Variants in P3H2 observed in about 807,000 individuals in gnomAD.
P3H2 encodes prolyl 3-hydroxylase 2.
A neutral mutation model predicts 87.0 loss-of-function variants in P3H2; 80 were observed. The ratio of observed to expected loss-of-function variants is 0.92; its 90% CI spans 0.77 to 1.11. P3H2 has a LOEUF of 1.11. Among genes scored for constraint, P3H2 ranks in the 50% least tolerant of loss-of-function variants. The pLI is 0.00. For synonymous variants in P3H2, 367 were observed against 359.3 expected (o/e 1.02, Z -0.24); for missense variants, 1,001 against 923.9 (o/e 1.08, Z -1.08).
chr3:190,088,483 T>A (rs1727300001), intron 1 of P3H2, among the ~76,000 whole-genome samples: 1 of 152,182 alleles, frequency 6.6e-6, no homozygotes, highest in Non-Finnish European at 1.5e-5. Context: ...CACATAGATC[T>A]CTCTTGTATT....
At chr3:190,096,533 G>C (rs1258750784) in intron 1 of P3H2, among the ~76,000 whole-genome samples, 2 of 152,120 alleles carry the variant, frequency 1.3e-5, no homozygotes, top group African/African-American at 4.8e-5. Context: ...AAATGACCCA[G>C]TCTCAGGTAG....
intron 13 of P3H2, chr3:189,969,759 C>T: frequency 6.2e-7 from 1 of 1,601,894 alleles, no homozygotes; most frequent in Non-Finnish European, 8.6e-7. Flanking sequence ...AATGGAGTAT[C>T]CACATATTTT....
intron 1 of P3H2, among the ~76,000 whole-genome samples, chr3:190,049,571 A>G (rs977171935): frequency 2.0e-5 from 3 of 152,224 alleles, no homozygotes; most frequent in Admixed American, 1.3e-4. Context: ...TTCTTGAGGC[A>G]GTTGAGATTC....
At chr3:190,036,060 G>A (rs1725414252) in intron 1 of P3H2, among the ~76,000 whole-genome samples, 1 of 152,046 alleles carries the variant, frequency 6.6e-6, no homozygotes, top group African/African-American at 2.4e-5. Flanking sequence ...TGCACCATTT[G>A]GTTTCCCATT....
rs1347909445 is a variant in P3H2, at chr3:190,047,410, G to A, written c.481-51968C>T. Among the ~76,000 whole-genome samples the A allele has an allele frequency of 5.3e-5, 8 of 152,170 alleles. No homozygotes were observed. In the East Asian group the frequency reaches 1.5e-3, roughly 29 times the overall value. ...TATATCCAAGGGAAAGGAAACTAGT[G>A]TATTAAAGAGGTATCTGTACTCTCA... is the stretch of plus-strand genomic sequence containing the variant. On this transcript the variant is annotated intron_variant, in intron 1 of 14. Coordinates refer to ENST00000319332, the MANE Select transcript of P3H2 (RefSeq NM_018192.4).
intron 1 of P3H2, among the ~76,000 whole-genome samples, chr3:190,036,330 C>A (rs1159378621): frequency 6.6e-6 from 1 of 152,226 alleles, no homozygotes; most frequent in East Asian, 1.9e-4. Context: ...TACATATAGA[C>A]TTCATACATG....
intron 1 of P3H2, among the ~76,000 whole-genome samples, chr3:190,065,796 A>C (rs1046796614): frequency 5.3e-5 from 8 of 152,206 alleles, no homozygotes; most frequent in Admixed American, 4.6e-4. Flanking sequence ...CCAATAATCT[A>C]TAATTTATAA....
chr3:190,016,620 T>A (rs548171087), intron 1 of P3H2, among the ~76,000 whole-genome samples: 5 of 152,260 alleles, frequency 3.3e-5, no homozygotes, highest in Admixed American at 2.0e-4. Flanking sequence ...TTAGAAAAAA[T>A]AATAATAATA....
At chr3:190,104,261 A>G (rs889495386) in intron 1 of P3H2, among the ~76,000 whole-genome samples, 1 of 152,120 alleles carries the variant, frequency 6.6e-6, no homozygotes, top group Non-Finnish European at 1.5e-5. Flanking sequence ...TAGTGATAAT[A>G]TCTATCCTAC....
chr3:189,971,746 T>C (rs891461333), intron 12 of P3H2, 144 bp downstream of exon 12: 6 of 686,896 alleles, frequency 8.7e-6, no homozygotes, highest in Non-Finnish European at 1.6e-5. Context: ...TTATTGGTTA[T>C]GGCAGCTACT....
At chr3:190,025,886 G>C (rs1368880629) in intron 1 of P3H2, among the ~76,000 whole-genome samples, 9 of 152,022 alleles carry the variant, frequency 5.9e-5, no homozygotes, top group Non-Finnish European at 1.3e-4. Flanking sequence ...TTTTTGAAAA[G>C]CTAATTTTAG....
At chr3:190,074,014 A>G (rs1726788995) in intron 1 of P3H2, among the ~76,000 whole-genome samples, 1 of 152,140 alleles carries the variant, frequency 6.6e-6, no homozygotes, top group Non-Finnish European at 1.5e-5. Flanking sequence ...ATTAAGAAAT[A>G]CTCTCGTATC....
intron 1 of P3H2, among the ~76,000 whole-genome samples, chr3:190,076,145 T>C (rs536973945): frequency 1.1e-3 from 165 of 150,726 alleles, no homozygotes; most frequent in African/African-American, 3.9e-3. Context: ...TCCAGCCATA[T>C]TAAGATATGA....
At chr3:190,044,230 C>T (rs1245462530) in intron 1 of P3H2, among the ~76,000 whole-genome samples, 2 of 152,210 alleles carry the variant, frequency 1.3e-5, no homozygotes, top group Non-Finnish European at 2.9e-5. Context: ...GAGCACTTGT[C>T]AGGAGCACAC....
intron 13 of P3H2, among the ~76,000 whole-genome samples, chr3:189,964,867 G>A (rs1459975721): frequency 6.6e-6 from 1 of 152,204 alleles, no homozygotes; most frequent in East Asian, 1.9e-4. Context: ...AAGAAATACT[G>A]CTGGGCTCAC....
chr3:189,979,836 C>T (rs1230741016), intron 8 of P3H2, among the ~76,000 whole-genome samples: 1 of 151,664 alleles, frequency 6.6e-6, no homozygotes, highest in Non-Finnish European at 1.5e-5. Context: ...GGCATGGTGG[C>T]ATGCACCTGT....
chr3:189,988,805 T>C (rs1723786060), intron 4 of P3H2, 102 bp downstream of exon 4: 1 of 1,410,080 alleles, frequency 7.1e-7, no homozygotes, highest in African/African-American at 1.4e-5. Context: ...ATTGCTTTCA[T>C]AATAAACTGA....
intron 8 of P3H2, among the ~76,000 whole-genome samples, chr3:189,979,171 C>A (rs1474823770): frequency 6.6e-6 from 1 of 152,094 alleles, no homozygotes. Flanking sequence ...CACCTGTAAT[C>A]CTAGCACTTT....
At chr3:189,960,943 CTT>C (rs10679470) in intron 14 of P3H2, among the ~76,000 whole-genome samples, 1 of 144,886 alleles carries the variant, frequency 6.9e-6, no homozygotes. Context: ...GGAAAACAAT[CTT>C]TTTTTTTTTT....
Sources: allele counts gnomAD v4.1 joint callset (sites outside exome capture counted in the v4.1 genomes callset), GRCh38; gene constraint gnomAD v4.1.1; transcripts MANE v1.5; gene names NCBI Gene and HGNC (gene_info 2026-07-23, HGNC 2026-07-21).